Variants in MANBAL observed in about 807,000 individuals in gnomAD.
MANBAL encodes the protein protein MANBAL.
In MANBAL, 1 loss-of-function variant was observed where a neutral mutation model predicts 6.4. The observed-to-expected ratio is 0.16, with a 90% confidence interval of 0.06 to 0.74. The LOEUF (loss-of-function observed/expected upper bound fraction) is 0.74, where lower values mean the gene tolerates loss of function less well. MANBAL is among the 30% of genes least tolerant of loss of function. The pLI is 0.78. For missense variants in MANBAL, 100 were observed against 107.8 expected (o/e 0.93, Z 0.32); for synonymous variants, 47 against 45.8 (o/e 1.03, Z -0.10).
chr20:37,310,821 G>A (rs777371549), intron 2 of MANBAL, among the ~76,000 whole-genome samples: 2 of 152,176 alleles, frequency 1.3e-5, no homozygotes, highest in African/African-American at 4.8e-5. Context: ...CTTGAGGCTC[G>A]CTTGAGAGGA....
chr20:37,301,761 G>A lies in MANBAL; in HGVS notation c.150+348G>A, dbSNP rs552789697. On this transcript the variant is annotated intron_variant, in intron 2 of 2. Coordinates refer to ENST00000373606, the MANE Select transcript of MANBAL (RefSeq NM_001003897.2). ...AGAGTCCAGTGAGGCTATATAACAA[G>A]GGGGAGAGAGACCTGATCTTACCCT... is the stretch of plus-strand genomic sequence containing the variant. Among the ~76,000 whole-genome samples, 3 of 152,342 alleles carry A rather than the reference G, an allele frequency of 2.0e-5. No individual in the cohort carries two copies. In the East Asian group the frequency reaches 5.8e-4, roughly 29 times the overall value.
chr20:37,298,603 T>C (rs950780502), intron 1 of MANBAL, among the ~76,000 whole-genome samples: 1 of 152,230 alleles, frequency 6.6e-6, no homozygotes, highest in African/African-American at 2.4e-5. Context: ...TATGGCTGAG[T>C]AATACTCCAT....
At chr20:37,311,451 G>A (rs1194764599) in intron 2 of MANBAL, among the ~76,000 whole-genome samples, 1 of 152,128 alleles carries the variant, frequency 6.6e-6, no homozygotes, top group Non-Finnish European at 1.5e-5. Flanking sequence ...GATTGGGATT[G>A]TTGTTGTCAT....
chr20:37,304,223 A>G (rs966019813), intron 2 of MANBAL, among the ~76,000 whole-genome samples: 2 of 144,930 alleles, frequency 1.4e-5, no homozygotes, highest in African/African-American at 5.1e-5. Context: ...TAGGTCTCCC[A>G]TCATGAGATA....
chr20:37,299,251 A>AT lies in MANBAL; in HGVS notation c.-56-1949dup, dbSNP rs372208096. On this transcript the variant is annotated intron_variant, in intron 1 of 2. Transcript: ENST00000373606. ...AGCCACCACTCCTGCCTAATTTATT[A>AT]TTTTTTTTGTAGAGATGGGGTCTCG... 5.7e-3 allele frequency among the ~76,000 whole-genome samples: 867 copies of AT among 151,354 alleles called. 10 individuals are homozygous for AT. Among genetic ancestry groups the AT allele is most frequent in the African/African-American group, 0.02 (826 of 41,246 alleles).
At position 37,301,864 on chromosome 20, in the gene MANBAL, G is replaced by A. The variant is rs189590550; in HGVS notation, c.150+451G>A. Among the ~76,000 whole-genome samples the A allele has an allele frequency of 2.3e-3, 344 of 152,334 alleles. 3 individuals carry two copies. Among genetic ancestry groups the A allele is most frequent in the African/African-American group, 7.9e-3 (329 of 41,566 alleles). On this transcript the variant is annotated intron_variant, in intron 2 of 2. Coordinates refer to ENST00000373606, the MANE Select transcript of MANBAL (RefSeq NM_001003897.2). ...AGCAGGCTTCTGCCAGGTGAAAGTGGGCAAGGGGCGAGGACAACATTCCAG... is the reference window on the plus strand; with the variant it reads ...AGCAGGCTTCTGCCAGGTGAAAGTGAGCAAGGGGCGAGGACAACATTCCAG...
At chr20:37,309,989 A>G (rs1282717273) in intron 2 of MANBAL, among the ~76,000 whole-genome samples, 1 of 152,178 alleles carries the variant, frequency 6.6e-6, no homozygotes, top group Non-Finnish European at 1.5e-5. Context: ...TGATGAGGGT[A>G]TAAACATGCT....
chr20:37,304,351 C>G (rs1480578402), intron 2 of MANBAL, among the ~76,000 whole-genome samples: 1 of 152,136 alleles, frequency 6.6e-6, no homozygotes, highest in Non-Finnish European at 1.5e-5. Context: ...AAAGTCAAAA[C>G]TATATAACAA....
At chr20:37,306,057 G>A (rs1240825763) in intron 2 of MANBAL, among the ~76,000 whole-genome samples, 1 of 152,114 alleles carries the variant, frequency 6.6e-6, no homozygotes, top group Non-Finnish European at 1.5e-5. Context: ...CAGCTTGTAA[G>A]ACACTAGGCA....
At chr20:37,314,011 T>C in intron 2 of MANBAL, among the ~76,000 whole-genome samples, 1 of 151,956 alleles carries the variant, frequency 6.6e-6, no homozygotes, top group East Asian at 1.9e-4. Context: ...ACTGGAAGCT[T>C]TAAGGTGGAA....
Position 37,316,504 on chromosome 20 carries a change from G to A in MANBAL, c.*89G>A. The A allele has an allele frequency of 8.3e-7, 1 of 1,207,684 alleles. No individual in the cohort carries two copies. The highest frequency in any genetic ancestry group is 1.4e-5 in the South Asian group (1 of 72,238). The allele number at this position is 1,207,684 out of a possible 1,614,324, so 74.8% of individuals were successfully genotyped here. ...CTACATTGTGTTCCCCCGCATTCCA[G>A]GCTCAGGGTCTGAGGAGGCTGTGAC... On this transcript the variant is annotated 3_prime_UTR_variant, in exon 3 of 3. Transcript: ENST00000373606.
At chr20:37,302,184 T>G in intron 2 of MANBAL, 2 of 1,525,628 alleles carry the variant, frequency 1.3e-6, no homozygotes, top group Non-Finnish European at 1.8e-6. Context: ...AGCAGGTCGT[T>G]TGTCATGTGG....
intron 1 of MANBAL, among the ~76,000 whole-genome samples, chr20:37,291,253 T>C (rs2068860984): frequency 6.6e-6 from 1 of 152,238 alleles, no homozygotes; most frequent in African/African-American, 2.4e-5. Context: ...AGTGCCCATA[T>C]AGCCCACGTT....
At chr20:37,309,076 A>T (rs907015320) in intron 2 of MANBAL, among the ~76,000 whole-genome samples, 4 of 152,178 alleles carry the variant, frequency 2.6e-5, no homozygotes, top group African/African-American at 9.6e-5. Flanking sequence ...GAATGGAAAC[A>T]GTATTGGCTC....
intron 1 of MANBAL, among the ~76,000 whole-genome samples, chr20:37,292,608 C>T (rs953710608): frequency 6.6e-5 from 10 of 152,160 alleles, no homozygotes; most frequent in Non-Finnish European, 1.2e-4. Context: ...GCCACCATGC[C>T]GGGCCTGAAC....
intron 1 of MANBAL, among the ~76,000 whole-genome samples, chr20:37,290,649 G>A (rs969218330): frequency 8.5e-5 from 13 of 152,064 alleles, no homozygotes; most frequent in African/African-American, 3.1e-4. Flanking sequence ...AGTAAAGACA[G>A]GGTTTCACCA....
intron 2 of MANBAL, among the ~76,000 whole-genome samples, chr20:37,309,516 T>C (rs1478448955): frequency 6.6e-6 from 1 of 152,186 alleles, no homozygotes; most frequent in Non-Finnish European, 1.5e-5. Flanking sequence ...GTGGCCAGCA[T>C]TGCGATCTAG....
Position 37,313,566 on chromosome 20 carries a change from C to T in MANBAL, c.151-2742C>T, listed in dbSNP as rs150235532. On this transcript the variant is annotated intron_variant, in intron 2 of 2. Transcript: ENST00000373606. ...CTAAAAATATAAAAAATTAGCTGTG[C>T]GTGGTGGCGGGTGCCTGTAATTCTA... 4.9e-3 allele frequency among the ~76,000 whole-genome samples: 728 copies of T among 149,598 alleles called. 7 individuals carry two copies. The highest frequency in any genetic ancestry group is 0.017 in the African/African-American group (677 of 40,534).
At chr20:37,306,443 CCCTT>C (rs1362119940) in intron 2 of MANBAL, among the ~76,000 whole-genome samples, 3 of 152,170 alleles carry the variant, frequency 2.0e-5, no homozygotes, top group African/African-American at 4.8e-5. Flanking sequence ...CCACCCCACC[CCCTT>C]CCTTTTCATA....
Sources: gnomAD v4.1 joint callset for allele counts (sites outside exome capture counted in the v4.1 genomes callset) on GRCh38, gnomAD v4.1.1 for gene constraint, MANE v1.5 for transcripts, NCBI Gene and HGNC (gene_info 2026-07-23, HGNC 2026-07-21) for gene names.